KDELR3: variants seen among roughly 807,000 people sequenced by gnomAD.
KDELR3 encodes KDEL endoplasmic reticulum protein retention receptor 3, also known as ER lumen protein-retaining receptor 3.
A neutral mutation model predicts 22.7 loss-of-function variants in KDELR3; 26 were observed. The ratio of observed to expected loss-of-function variants is 1.15; its 90% CI spans 0.84 to 1.59. The LOEUF (loss-of-function observed/expected upper bound fraction) is 1.59. KDELR3 is among the 40% of genes most tolerant of loss of function. The probability of loss-of-function intolerance (pLI) is 0.00; values close to 1 mark genes in which losing one functional copy is unlikely to be tolerated. For missense variants in KDELR3, 289 were observed against 251.1 expected, an observed-to-expected ratio of 1.15 and a Z score of -1.02; for synonymous variants, 120 against 98.2, an observed-to-expected ratio of 1.22 and a Z score of -1.31.
At chr22:38,482,121 T>A (rs1157550250) in intron 4 of KDELR3, among the ~76,000 whole-genome samples, 1 of 152,078 alleles carries the variant, frequency 6.6e-6, no homozygotes, top group East Asian at 1.9e-4. Flanking sequence ...AGCTGCTATG[T>A]AGGGTAGAAA....
chr22:38,478,629 ATTTTTTTT>A (rs55884876), intron 2 of KDELR3, among the ~76,000 whole-genome samples: 17 of 43,558 alleles, frequency 3.9e-4, no homozygotes, highest in South Asian at 1.4e-3. Flanking sequence ...AGCATCTGTG[ATTTTTTTT>A]TTTTTTTTTT....
At chr22:38,474,062 C>T (rs575457119) in intron 1 of KDELR3, among the ~76,000 whole-genome samples, 1 of 152,332 alleles carries the variant, frequency 6.6e-6, no homozygotes, top group South Asian at 2.1e-4. Context: ...CCTGAACCTT[C>T]CTCTGCCTGC....
At chr22:38,473,121 G>C (rs1231465603) in intron 1 of KDELR3, among the ~76,000 whole-genome samples, 2 of 152,164 alleles carry the variant, frequency 1.3e-5, no homozygotes, top group South Asian at 2.1e-4. Flanking sequence ...AGAGACCAAA[G>C]TGGGTCAAGA....
rs55884876 is a variant in KDELR3, at chr22:38,478,629, A to ATT, written c.193-935_193-934dup. Among the ~76,000 whole-genome samples, 141 of 43,534 alleles carry ATT rather than the reference A, an allele frequency of 3.2e-3. 44 individuals carry two copies. The highest frequency in any genetic ancestry group is 9.8e-3 in the African/African-American group (106 of 10,772). The allele number at this position is 43,534 out of a possible 152,430, so 28.6% of individuals were successfully genotyped here. The stretch of plus-strand genomic sequence containing the variant: ...GGCAAGGGAAGAGACAGCATCTGTG[A>ATT]TTTTTTTTTTTTTTTTTTTTTTTTT... On this transcript the variant is annotated intron_variant, in intron 2 of 4. Coordinates refer to ENST00000216014, the MANE Select transcript of KDELR3 (RefSeq NM_006855.4).
intron 1 of KDELR3, among the ~76,000 whole-genome samples, chr22:38,472,996 G>A (rs1217232071): frequency 3.3e-5 from 5 of 152,008 alleles, no homozygotes; most frequent in Admixed American, 6.6e-5. Context: ...CACCGCCCCC[G>A]GCCCAAATAC....
chr22:38,475,168 A>G (rs2089550036), intron 2 of KDELR3, among the ~76,000 whole-genome samples: 1 of 151,964 alleles, frequency 6.6e-6, no homozygotes, highest in South Asian at 2.1e-4. Context: ...AATAAATGTA[A>G]ATGTAAAAAA....
intron 2 of KDELR3, among the ~76,000 whole-genome samples, chr22:38,477,336 C>T (rs1426254594): frequency 6.6e-6 from 1 of 151,924 alleles, no homozygotes; most frequent in Non-Finnish European, 1.5e-5. Context: ...TCCTGAGTAG[C>T]TGGGATTACA....
chr22:38,476,685 C>T (rs373335708), intron 2 of KDELR3, among the ~76,000 whole-genome samples: 21 of 151,440 alleles, frequency 1.4e-4, no homozygotes, highest in South Asian at 6.3e-4. Flanking sequence ...CCACCACGCC[C>T]GGCTACTTTT....
At chr22:38,480,314 T>C (rs780957661) in intron 3 of KDELR3, among the ~76,000 whole-genome samples, 1 of 151,976 alleles carries the variant, frequency 6.6e-6, no homozygotes, top group Non-Finnish European at 1.5e-5. Flanking sequence ...CAGCTAATTT[T>C]TGTATTTTTA....
At chr22:38,481,509 TA>T in intron 4 of KDELR3, 45 bp downstream of exon 4, 1 of 1,612,582 alleles carries the variant, frequency 6.2e-7, no homozygotes, top group Non-Finnish European at 8.5e-7. Context: ...CCTAAGGAGT[TA>T]CTCATCCATT....
chr22:38,468,121 G>C lies in KDELR3; in HGVS notation c.-113G>C. On this transcript the variant is annotated 5_prime_UTR_variant, in exon 1 of 5. Coordinates refer to ENST00000216014, the MANE Select transcript of KDELR3 (RefSeq NM_006855.4). ...GCGATCGCGGAGCTGTGAGGCGCAG[G>C]CAGGGCTCTGGGGCACCTAGAGACC... 1.1e-6 allele frequency: 1 copy of C among 877,228 alleles called. No homozygotes were observed. The highest frequency in any genetic ancestry group is 1.8e-6 in the Non-Finnish European group (1 of 545,024). The allele number at this position is 877,228 out of a possible 1,614,324, so 54.3% of individuals were successfully genotyped here.
rs1779608844 is a variant in KDELR3, at chr22:38,468,327, G to GA, written c.91+4dup. On this transcript the variant is annotated splice_donor_region_variant and intron_variant, in intron 1 of 4. Transcript: ENST00000216014. ...CTGGAGGTCCAAGTGCTGCAAGGGTGAGGGGCGCCTGGCAGGGAGGTGCGG... is the reference window on the plus strand; with the variant it reads ...CTGGAGGTCCAAGTGCTGCAAGGGTGAAGGGGCGCCTGGCAGGGAGGTGCGG... The GA allele has an allele frequency of 3.7e-6, 6 of 1,613,268 alleles. No homozygotes were observed. The South Asian group carries it at 6.6e-5, about 18-fold the overall frequency.
Position 38,474,605 on chromosome 22 carries a change from C to T in KDELR3, c.174C>T (p.Ile58=), listed in dbSNP as rs762737124. ...YLDLFTNFIS[I]YNTVMKVVFL... The stretch of plus-strand genomic sequence containing the variant: ...ACCTGTTCACCAACTTCATCTCCAT[C>T]TACAACACAGTAATGAAGGTGAGGG... Residue 58 remains isoleucine (I), a synonymous_variant, in exon 2 of 5, where the codon ATC becomes ATT. Transcript: ENST00000216014. 6.2e-7 allele frequency: 1 copy of T among 1,613,564 alleles called. No homozygotes were observed. The highest frequency in any genetic ancestry group is 8.5e-7 in the Non-Finnish European group (1 of 1,179,536).
At chr22:38,481,111 T>C in intron 3 of KDELR3, 101 bp from the exon 4 acceptor site, 2 of 1,076,996 alleles carry the variant, frequency 1.9e-6, no homozygotes, top group Non-Finnish European at 2.7e-6. Context: ...CCCTCCTTAC[T>C]GTACCTTCTC....
chr22:38,482,470 C>G (rs1569134485), intron 4 of KDELR3, 26 bp from the exon 5 acceptor site: 1 of 1,591,110 alleles, frequency 6.3e-7, no homozygotes, highest in Non-Finnish European at 8.6e-7. Context: ...ATGGTAAATT[C>G]TTATTTCATC....
At chr22:38,481,133 T>A in intron 3 of KDELR3, 79 bp from the exon 4 acceptor site, 1 of 1,266,172 alleles carries the variant, frequency 7.9e-7, no homozygotes, top group South Asian at 1.4e-5. Flanking sequence ...AGCAAGCTAT[T>A]GTTTTAGTAA....
intron 1 of KDELR3, among the ~76,000 whole-genome samples, chr22:38,472,040 G>T (rs1364145585): frequency 6.6e-6 from 1 of 152,136 alleles, no homozygotes; most frequent in Non-Finnish European, 1.5e-5. Flanking sequence ...GCACAGTTCA[G>T]GGGTACAGGG....
Position 38,483,398 on chromosome 22 carries a change from G to A in KDELR3, c.*862G>A, listed in dbSNP as rs1036660059. The A allele has an allele frequency of 2.6e-5, 4 of 152,168 alleles. No homozygotes were observed. Among genetic ancestry groups the A allele is most frequent in the African/African-American group, 9.7e-5 (4 of 41,426 alleles). 9.4% of individuals were successfully genotyped at this position (152,168 alleles called of 1,614,324 possible). ...ACAAAAACTGTTTTAAGACGTCTACGTTGAATTATTCAGAGAATTAAGCAA... is the reference window on the plus strand; with the variant it reads ...ACAAAAACTGTTTTAAGACGTCTACATTGAATTATTCAGAGAATTAAGCAA... On this transcript the variant is annotated 3_prime_UTR_variant, in exon 5 of 5. Coordinates refer to ENST00000216014, the MANE Select transcript of KDELR3 (RefSeq NM_006855.4).
At position 38,468,401 on chromosome 22, in the gene KDELR3, T is replaced by C; in HGVS notation, c.91+77T>C. On this transcript the variant is annotated intron_variant, in intron 1 of 4. Coordinates refer to ENST00000216014, the MANE Select transcript of KDELR3 (RefSeq NM_006855.4). ...TGCCCCTGCGTGCAGGGCAGGGCGCTCCAGGTGTCTGCTCAGGGTGGGGAC... is the reference window on the plus strand; with the variant it reads ...TGCCCCTGCGTGCAGGGCAGGGCGCCCCAGGTGTCTGCTCAGGGTGGGGAC... The C allele has an allele frequency of 2.3e-6, 3 of 1,320,292 alleles. No individual in the cohort carries two copies. In the South Asian group the frequency reaches 3.5e-5, roughly 16 times the overall value. The allele number at this position is 1,320,292 out of a possible 1,614,324, so 81.8% of individuals were successfully genotyped here.
Sources: gnomAD v4.1 joint callset for allele counts (sites outside exome capture counted in the v4.1 genomes callset) on GRCh38, gnomAD v4.1.1 for gene constraint, MANE v1.5 for transcripts, NCBI Gene and HGNC (gene_info 2026-07-23, HGNC 2026-07-21) for gene names.